Variants in SAMD4A observed in about 807,000 individuals in gnomAD.
SAMD4A encodes sterile alpha motif domain containing 4A.
A neutral mutation model predicts 81.3 loss-of-function variants in SAMD4A; 33 were observed. The observed-to-expected ratio is 0.41, with a 90% CI of 0.31 to 0.54. The LOEUF (loss-of-function observed/expected upper bound fraction) is 0.54, where lower values mean the gene tolerates loss of function less well. Among genes scored for constraint, SAMD4A ranks in the 20% least tolerant of loss-of-function variants. The pLI, the probability that SAMD4A is intolerant of heterozygous loss-of-function variation, is 0.37. For missense variants in SAMD4A, 854 were observed against 951.1 expected, an observed-to-expected ratio of 0.90 and a Z score of 1.34; for synonymous variants, 389 against 382.1, an observed-to-expected ratio of 1.02 and a Z score of -0.21.
At chr14:54,779,570 C>T (rs1415689756) in intron 11 of SAMD4A, among the ~76,000 whole-genome samples, 1 of 152,212 alleles carries the variant, frequency 6.6e-6, no homozygotes, top group Non-Finnish European at 1.5e-5. Flanking sequence ...TCATCAGTCA[C>T]CTTGCTCGGG....
chr14:54,584,360 G>T (rs1359588986), intron 2 of SAMD4A, among the ~76,000 whole-genome samples: 2 of 152,170 alleles, frequency 1.3e-5, no homozygotes, highest in East Asian at 3.8e-4. Flanking sequence ...AGCAGCTGAG[G>T]CATAAAACAT....
intron 2 of SAMD4A, among the ~76,000 whole-genome samples, chr14:54,657,761 A>G (rs1398039974): frequency 3.9e-5 from 6 of 152,216 alleles, no homozygotes; most frequent in Non-Finnish European, 5.9e-5. Flanking sequence ...ACATCAGCCA[A>G]TGAAGAGCCA....
chr14:54,654,017 T>C (rs148080219), intron 2 of SAMD4A, among the ~76,000 whole-genome samples: 45 of 152,364 alleles, frequency 3.0e-4, no homozygotes, highest in African/African-American at 1.0e-3. Context: ...TGTCACTTTA[T>C]TGCCAAAAGA....
At chr14:54,606,153 G>C (rs555270450) in intron 2 of SAMD4A, among the ~76,000 whole-genome samples, 1 of 151,548 alleles carries the variant, frequency 6.6e-6, no homozygotes, top group Non-Finnish European at 1.5e-5. Flanking sequence ...ACAAGGAAAA[G>C]AGCTCATTCC....
At chr14:54,753,724 T>C (rs922772904) in intron 6 of SAMD4A, among the ~76,000 whole-genome samples, 1 of 151,798 alleles carries the variant, frequency 6.6e-6, no homozygotes, top group African/African-American at 2.4e-5. Context: ...TTTAAACCTC[T>C]GGCCAGATAG....
At chr14:54,710,182 C>A (rs1365758820) in intron 3 of SAMD4A, among the ~76,000 whole-genome samples, 12 of 152,154 alleles carry the variant, frequency 7.9e-5, no homozygotes, top group Admixed American at 7.9e-4. Flanking sequence ...CTGTCCACTT[C>A]TACAGATTCA....
intron 2 of SAMD4A, among the ~76,000 whole-genome samples, chr14:54,592,161 A>G (rs2033795205): frequency 6.6e-6 from 1 of 151,398 alleles, no homozygotes; most frequent in Non-Finnish European, 1.5e-5. Context: ...GTGACTTTCT[A>G]TTTTTTTGAA....
At chr14:54,624,849 G>A (rs2034708086) in intron 2 of SAMD4A, among the ~76,000 whole-genome samples, 1 of 152,064 alleles carries the variant, frequency 6.6e-6, no homozygotes, top group Non-Finnish European at 1.5e-5. Flanking sequence ...CGGATATACA[G>A]TTTTTGTTGT....
At chr14:54,688,931 C>CTTTTTTTTTTTTTTT (rs71127666) in intron 2 of SAMD4A, among the ~76,000 whole-genome samples, 5 of 116,090 alleles carry the variant, frequency 4.3e-5, no homozygotes, top group African/African-American at 6.3e-5. Flanking sequence ...AGTCGTAATT[C>CTTTTTTTTTTTTTTT]TTTTTTTTTT....
At chr14:54,605,085 T>C (rs1184500071) in intron 2 of SAMD4A, among the ~76,000 whole-genome samples, 3 of 152,252 alleles carry the variant, frequency 2.0e-5, no homozygotes, top group Non-Finnish European at 4.4e-5. Flanking sequence ...AACTGATCTT[T>C]AACAAGCTAG....
chr14:54,632,873 T>G (rs1043277329), intron 2 of SAMD4A, among the ~76,000 whole-genome samples: 1 of 152,252 alleles, frequency 6.6e-6, no homozygotes, highest in Non-Finnish European at 1.5e-5. Flanking sequence ...ACCTAATGTA[T>G]TTTATCTGTC....
At chr14:54,771,336 G>A (rs80290113) in intron 9 of SAMD4A, among the ~76,000 whole-genome samples, 1,737 of 152,318 alleles carry the variant, frequency 0.011, 26 homozygotes, top group South Asian at 0.044. Context: ...TAGAGCTGCT[G>A]TTGTTAACCC....
intron 3 of SAMD4A, among the ~76,000 whole-genome samples, chr14:54,708,014 C>T (rs546705473): frequency 6.6e-6 from 1 of 152,226 alleles, no homozygotes; most frequent in Admixed American, 6.5e-5. Context: ...AGAAAAGTGA[C>T]ATGATCCAAC....
chr14:54,590,098 T>C (rs2033734052), intron 2 of SAMD4A, among the ~76,000 whole-genome samples: 1 of 151,888 alleles, frequency 6.6e-6, no homozygotes, highest in Admixed American at 6.6e-5. Flanking sequence ...AGGCACACAA[T>C]AAATATTTGT....
chr14:54,757,366 G>A (rs2038266855), intron 6 of SAMD4A, among the ~76,000 whole-genome samples: 1 of 144,142 alleles, frequency 6.9e-6, no homozygotes, highest in Admixed American at 6.9e-5. Flanking sequence ...TATTCGTTAT[G>A]TATTTGGTTT....
intron 2 of SAMD4A, among the ~76,000 whole-genome samples, chr14:54,610,592 A>C (rs988577271): frequency 2.0e-5 from 3 of 152,184 alleles, no homozygotes; most frequent in African/African-American, 7.2e-5. Context: ...GATAAAGTTA[A>C]TTTCTGAAGC....
intron 5 of SAMD4A, among the ~76,000 whole-genome samples, chr14:54,749,916 G>C (rs545054426): frequency 6.6e-6 from 1 of 152,152 alleles, no homozygotes; most frequent in Non-Finnish European, 1.5e-5. Flanking sequence ...GTACTTATTC[G>C]GTACCCTCAT....
At chr14:54,612,860 T>A (rs1420402173) in intron 2 of SAMD4A, among the ~76,000 whole-genome samples, 1 of 152,172 alleles carries the variant, frequency 6.6e-6, no homozygotes, top group South Asian at 2.1e-4. Context: ...GGCTCACGCC[T>A]GTAATCCCAG....
At chr14:54,778,765 G>GGAGCCACTCCTAAGTCCTGC (rs1365044385) in intron 11 of SAMD4A, among the ~76,000 whole-genome samples, 2 of 152,192 alleles carry the variant, frequency 1.3e-5, no homozygotes, top group African/African-American at 4.8e-5. Context: ...ACGCTGGACA[G>GGAGCCACTCCTAAGTCCTGC]GAGCCACTCC....
Sources: gnomAD v4.1 joint callset for allele counts (sites outside exome capture counted in the v4.1 genomes callset) on GRCh38, gnomAD v4.1.1 for gene constraint, MANE v1.5 for transcripts, NCBI Gene and HGNC (gene_info 2026-07-23, HGNC 2026-07-21) for gene names.